ACVR1C: variants seen among roughly 807,000 people sequenced by gnomAD.
The protein encoded by ACVR1C is activin A receptor type 1C, also known as activin receptor type-1C.
ACVR1C carries 23 observed loss-of-function variants against 57.9 expected under a neutral mutation model. That is an observed-to-expected ratio of 0.40 (90% confidence interval 0.29 to 0.56). The LOEUF (loss-of-function observed/expected upper bound fraction) is 0.56. Ranked by LOEUF, ACVR1C falls within the 20% of genes least tolerant of loss-of-function variation. The probability of loss-of-function intolerance (pLI) is 0.50; values close to 1 mark genes in which losing one functional copy is unlikely to be tolerated. For synonymous variants in ACVR1C, 214 were observed against 215.3 expected (o/e 0.99, Z 0.05); for missense variants, 480 against 607.9 (o/e 0.79, Z 2.21).
intron 8 of ACVR1C, among the ~76,000 whole-genome samples, chr2:157,536,328 A>C (rs1338230197): frequency 6.6e-6 from 1 of 152,216 alleles, no homozygotes; most frequent in African/African-American, 2.4e-5. Context: ...TATTCCAAGC[A>C]AGATTAACCA....
chr2:157,550,145 A>G lies in ACVR1C; in HGVS notation c.775+17T>C, dbSNP rs1246950474. 4 of 1,611,944 alleles carry G rather than the reference A, an allele frequency of 2.5e-6. No homozygotes were observed. Among genetic ancestry groups the G allele is most frequent in the South Asian group, 1.1e-5 (1 of 91,022 alleles). On this transcript the variant is annotated intron_variant, in intron 4 of 8. Transcript: ENST00000243349. ...ACAGCATTTTTTACTTGTTGAACACAATTAGATTGGAAATACCTTTGTTGT... is the reference window on the plus strand; with the variant it reads ...ACAGCATTTTTTACTTGTTGAACACGATTAGATTGGAAATACCTTTGTTGT...
intron 3 of ACVR1C, among the ~76,000 whole-genome samples, chr2:157,553,630 A>C (rs983430729): frequency 1.3e-5 from 2 of 152,186 alleles, no homozygotes; most frequent in African/African-American, 2.4e-5. Flanking sequence ...AATGTATTTA[A>C]GGAATAGTTC....
intron 1 of ACVR1C, among the ~76,000 whole-genome samples, chr2:157,588,627 C>T (rs1057289964): frequency 8.1e-6 from 1 of 124,094 alleles, no homozygotes; most frequent in South Asian, 2.8e-4. Context: ...ATATCCTTTA[C>T]GTCTCTCTGT....
chr2:157,595,343 G>C (rs991789830), intron 1 of ACVR1C, among the ~76,000 whole-genome samples: 2 of 152,138 alleles, frequency 1.3e-5, no homozygotes, highest in African/African-American at 4.8e-5. Context: ...TGTCTCCAAG[G>C]CTGAATCTTT....
intron 5 of ACVR1C, 67 bp from the exon 6 acceptor site, chr2:157,542,929 G>A (rs1464561437): frequency 4.0e-6 from 6 of 1,488,652 alleles, no homozygotes; most frequent in Non-Finnish European, 4.5e-6. Flanking sequence ...AAATCATCCT[G>A]AAGACTTAGC....
intron 5 of ACVR1C, 123 bp from the exon 6 acceptor site, chr2:157,542,985 A>G: frequency 1.0e-6 from 1 of 979,114 alleles, no homozygotes; most frequent in Non-Finnish European, 1.5e-6. Flanking sequence ...AGCTCTTGTC[A>G]CTATCTAAAT....
Position 157,617,090 on chromosome 2 carries a change from A to G in ACVR1C, c.73+11482T>C, listed in dbSNP as rs188874136. On this transcript the variant is annotated intron_variant, in intron 1 of 8. Coordinates refer to ENST00000243349, the MANE Select transcript of ACVR1C (RefSeq NM_145259.3). ...CACTTTCCTTATAAAGACACGATAG[A>G]AAGGAAAGGAAAGGGAAAAAATACA... 1.7e-3 allele frequency among the ~76,000 whole-genome samples: 264 copies of G among 152,098 alleles called. 8 individuals are homozygous for G. In the East Asian group the frequency reaches 0.04, roughly 23 times the overall value.
intron 1 of ACVR1C, among the ~76,000 whole-genome samples, chr2:157,608,705 A>G (rs541436720): frequency 6.6e-6 from 1 of 152,008 alleles, no homozygotes; most frequent in South Asian, 2.1e-4. Context: ...CAATCTTGAT[A>G]GGCTGTATGT....
At chr2:157,562,781 C>T (rs1183983869) in intron 2 of ACVR1C, among the ~76,000 whole-genome samples, 3 of 152,148 alleles carry the variant, frequency 2.0e-5, no homozygotes, top group African/African-American at 4.8e-5. Context: ...ACGATCAAGT[C>T]GGCTTCATCC....
chr2:157,548,726 T>C (rs1291147737), intron 4 of ACVR1C, among the ~76,000 whole-genome samples: 1 of 152,208 alleles, frequency 6.6e-6, no homozygotes, highest in Non-Finnish European at 1.5e-5. Flanking sequence ...AAGTACTTAT[T>C]TTAAATATCA....
At chr2:157,554,272 G>GAAAGAAAGAAAGAAAGAAAGAAAGAAAGA (rs1491411690) in intron 3 of ACVR1C, among the ~76,000 whole-genome samples, 46 of 47,544 alleles carry the variant, frequency 9.7e-4, no homozygotes, top group East Asian at 2.6e-3. Flanking sequence ...AGAAAGAAAG[G>GAAAGAAAGAAAGAAAGAAAGAAAGAAAGA]AAGGAAGGAA....
chr2:157,586,396 A>G (rs1027424883), intron 2 of ACVR1C, among the ~76,000 whole-genome samples: 1 of 152,178 alleles, frequency 6.6e-6, no homozygotes. Flanking sequence ...GTAAGGAAAT[A>G]TATGTATCTC....
chr2:157,588,874 TATATAC>T (rs1688994405), intron 1 of ACVR1C, among the ~76,000 whole-genome samples: 1 of 142,494 alleles, frequency 7.0e-6, no homozygotes, highest in African/African-American at 2.6e-5. Context: ...TATATATATA[TATATAC>T]GTGTGTGTGT....
chr2:157,556,730 C>T (rs531167739), intron 2 of ACVR1C, among the ~76,000 whole-genome samples: 1 of 132,644 alleles, frequency 7.5e-6, no homozygotes, highest in African/African-American at 2.9e-5. Context: ...GTGGTGCGAT[C>T]TGGGCTCACT....
intron 1 of ACVR1C, among the ~76,000 whole-genome samples, chr2:157,614,020 A>C (rs566526354): frequency 6.6e-6 from 1 of 152,202 alleles, no homozygotes; most frequent in East Asian, 1.9e-4. Flanking sequence ...TCAAGCTTTG[A>C]GCTATAAAAT....
At chr2:157,573,086 C>T (rs1376639801) in intron 2 of ACVR1C, among the ~76,000 whole-genome samples, 1 of 152,176 alleles carries the variant, frequency 6.6e-6, no homozygotes, top group East Asian at 1.9e-4. Context: ...GAATAACAAT[C>T]ACTTTCTGAG....
chr2:157,584,100 A>C (rs1688856389), intron 2 of ACVR1C, among the ~76,000 whole-genome samples: 1 of 152,052 alleles, frequency 6.6e-6, no homozygotes, highest in Non-Finnish European at 1.5e-5. Flanking sequence ...GAAAATAGTC[A>C]CAATTTATCT....
chr2:157,575,615 C>T (rs920911640), intron 2 of ACVR1C, among the ~76,000 whole-genome samples: 2 of 152,154 alleles, frequency 1.3e-5, no homozygotes, highest in Non-Finnish European at 2.9e-5. Flanking sequence ...CCAAACACTG[C>T]CATTTATCTA....
intron 3 of ACVR1C, among the ~76,000 whole-genome samples, chr2:157,552,900 A>C (rs1687955269): frequency 1.3e-5 from 2 of 152,202 alleles, no homozygotes; most frequent in African/African-American, 2.4e-5. Context: ...TCTTTTAACC[A>C]GGGGGTGTAG....
Sources: gnomAD v4.1 joint callset for allele counts (sites outside exome capture counted in the v4.1 genomes callset) on GRCh38, gnomAD v4.1.1 for gene constraint, MANE v1.5 for transcripts, NCBI Gene and HGNC (gene_info 2026-07-23, HGNC 2026-07-21) for gene names.